Variants in PHC3 observed in about 807,000 individuals in gnomAD.
The protein encoded by PHC3 is polyhomeotic homolog 3.
PHC3 carries 13 observed loss-of-function variants against 107.4 expected under a neutral mutation model. The ratio of observed to expected loss-of-function variants is 0.12; its 90% CI spans 0.08 to 0.19. The LOEUF is 0.19. PHC3 is among the 10% of genes least tolerant of loss of function. PHC3 has a pLI of 1.00. For missense variants in PHC3, 992 were observed against 1,210.9 expected (o/e 0.82, Z 2.68); for synonymous variants, 456 against 427.4 (o/e 1.07, Z -0.83).
chr3:170,178,711 C>T (rs1730912316), intron 2 of PHC3, 62 bp downstream of exon 2: 1 of 1,551,540 alleles, frequency 6.4e-7, no homozygotes, highest in Admixed American at 1.7e-5. Context: ...ATAAATCCAG[C>T]TTAAGCAAAA....
rs537182657 is a variant in PHC3, at chr3:170,139,488, G to A, written c.673-2823C>T. Among the ~76,000 whole-genome samples, 3 of 152,226 alleles carry A rather than the reference G, an allele frequency of 2.0e-5. No individual in the cohort carries two copies. In the East Asian group the frequency reaches 5.8e-4, roughly 29 times the overall value. On this transcript the variant is annotated intron_variant, in intron 6 of 14. Transcript: ENST00000495893. ...CAAAGGGTAATAATCTGAAAAACCT[G>A]AAATGAAAAGTATATTCACAGTAAA...
intron 6 of PHC3, among the ~76,000 whole-genome samples, chr3:170,140,592 T>C (rs1303397824): frequency 8.1e-6 from 1 of 123,192 alleles, no homozygotes; most frequent in Non-Finnish European, 1.7e-5. Context: ...TTCTTTTTTT[T>C]TTTTTTTTTT....
rs555481304 is a variant in PHC3 at position 170,178,325 on chromosome 3, A to G, written c.180+448T>C. Among the ~76,000 whole-genome samples the G allele has an allele frequency of 2.2e-3, 333 of 151,422 alleles. 2 individuals are homozygous for G. Among genetic ancestry groups the G allele is most frequent in the South Asian group, 8.2e-3 (39 of 4,774 alleles). Reference sequence around the variant, plus strand: ...CGCCCGGCTAATTTTTTGTATTTTTAGTAGAGACGGGGTTTCACCGTGGTC... The same window carrying G: ...CGCCCGGCTAATTTTTTGTATTTTTGGTAGAGACGGGGTTTCACCGTGGTC... On this transcript the variant is annotated intron_variant, in intron 2 of 14. Transcript: ENST00000495893.
At chr3:170,155,807 T>C (rs573580196) in intron 4 of PHC3, among the ~76,000 whole-genome samples, 1 of 152,158 alleles carries the variant, frequency 6.6e-6, no homozygotes, top group East Asian at 1.9e-4. Flanking sequence ...AGACTCAATA[T>C]AGAAACACAC....
intron 7 of PHC3, among the ~76,000 whole-genome samples, chr3:170,132,217 A>G (rs1722366994): frequency 6.6e-6 from 1 of 152,192 alleles, no homozygotes; most frequent in Admixed American, 6.5e-5. Context: ...ACAGTAACAC[A>G]TATTATTTCA....
chr3:170,172,798 T>G, intron 2 of PHC3, 86 bp from the exon 3 acceptor site: 1 of 1,418,548 alleles, frequency 7.0e-7, no homozygotes, highest in Admixed American at 2.2e-5. Flanking sequence ...AAGTGGCAGT[T>G]TAAAATTTCA....
intron 14 of PHC3, among the ~76,000 whole-genome samples, chr3:170,099,162 T>C (rs1256152084): frequency 6.6e-6 from 1 of 151,918 alleles, no homozygotes; most frequent in Non-Finnish European, 1.5e-5. Flanking sequence ...AAACAAGGAG[T>C]TCTCCATGAG....
Position 170,097,221 on chromosome 3 carries a change from ATGTTCC to A in PHC3, c.*3_*8del. 1.3e-6 allele frequency: 2 copies of A among 1,594,008 alleles called. No individual in the cohort carries two copies. Among genetic ancestry groups the A allele is most frequent in the Non-Finnish European group, 1.7e-6 (2 of 1,166,434 alleles). ...AAAACTGCTGTTTTATCAAGGCTTC[ATGTTCC>A]TGTTAAGATTCCTTCAGAGAGTTGA... is the stretch of plus-strand genomic sequence containing the variant. On this transcript the variant is annotated 3_prime_UTR_variant, in exon 15 of 15. Coordinates refer to ENST00000495893, the MANE Select transcript of PHC3 (RefSeq NM_024947.4). This position sits in a 1 kb window ranked among gnomAD's most constrained non-coding sequence, Gnocchi z 4.1.
intron 4 of PHC3, among the ~76,000 whole-genome samples, chr3:170,168,185 T>TCAGAGG (rs1560125675): frequency 6.6e-6 from 1 of 150,826 alleles, no homozygotes; most frequent in African/African-American, 2.4e-5. Flanking sequence ...AAAGGCAAAG[T>TCAGAGG]CAAAGGGAAA....
chr3:170,123,526 G>A (rs1002536141), intron 8 of PHC3, among the ~76,000 whole-genome samples: 4 of 151,950 alleles, frequency 2.6e-5, no homozygotes, highest in African/African-American at 4.8e-5. Context: ...GCAGTGGCTC[G>A]TGCCTGCAAT....
chr3:170,180,173 G>A (rs1342375458), intron 1 of PHC3, among the ~76,000 whole-genome samples: 1 of 151,900 alleles, frequency 6.6e-6, no homozygotes, highest in Non-Finnish European at 1.5e-5. Context: ...AGGAAAAGTG[G>A]GGGCCTTGAG....
At chr3:170,133,117 C>A (rs1261319679) in intron 7 of PHC3, among the ~76,000 whole-genome samples, 3 of 151,604 alleles carry the variant, frequency 2.0e-5, no homozygotes, top group African/African-American at 7.3e-5. Context: ...CTTGAAGGAA[C>A]ATTTTTCTAA....
intron 6 of PHC3, among the ~76,000 whole-genome samples, chr3:170,141,402 A>G (rs992578281): frequency 6.6e-6 from 1 of 152,182 alleles, no homozygotes; most frequent in Non-Finnish European, 1.5e-5. Flanking sequence ...GAGGCTCATA[A>G]TTAGAACACA....
intron 4 of PHC3, among the ~76,000 whole-genome samples, chr3:170,164,272 T>C (rs1158000528): frequency 1.3e-5 from 2 of 152,212 alleles, no homozygotes; most frequent in African/African-American, 4.8e-5. Flanking sequence ...ATGGGACTAC[T>C]GAAGGGAAGT....
chr3:170,173,425 T>C (rs1325346006), intron 2 of PHC3, among the ~76,000 whole-genome samples: 2 of 152,306 alleles, frequency 1.3e-5, no homozygotes, highest in East Asian at 3.9e-4. Flanking sequence ...ATAACCTTTT[T>C]GGATAAAACT....
Position 170,102,614 on chromosome 3 carries a change from G to A in PHC3, c.2698C>T (p.Arg900Trp), listed in dbSNP as rs746499936. 6.2e-6 allele frequency: 10 copies of A among 1,613,762 alleles called. No homozygotes were observed. The highest frequency in any genetic ancestry group is 2.2e-5 in the East Asian group (1 of 44,888). Reference protein sequence around the residue: ...MTTRLRRQSERERERELRDVR... With the variant: ...MTTRLRRQSEWERERELRDVR... ...TCCCGAAGCTCACGTTCTCTTTCCC[G>A]CTCGCTCTGCCTGCGCAGACGAGTT... The change falls in exon 14 of 15, where the codon CGG becomes TGG. Residue 900 changes from arginine (R) to tryptophan (W), a missense_variant. By Grantham distance (101) the Arg-to-Trp change is moderately radical. Around this residue, in one of 6 missense-constraint regions of PHC3, gnomAD observed 228 missense variants for 288.8 expected, o/e 0.79. Coordinates refer to ENST00000495893, the MANE Select transcript of PHC3 (RefSeq NM_024947.4).
At chr3:170,122,503 G>T in intron 9 of PHC3, 88 bp downstream of exon 9, 1 of 1,388,104 alleles carries the variant, frequency 7.2e-7, no homozygotes, top group Non-Finnish European at 1.0e-6. Flanking sequence ...CAAAAAGGGT[G>T]AAAGGAGGAA....
At chr3:170,121,721 G>C (rs762518374) in intron 9 of PHC3, among the ~76,000 whole-genome samples, 35 of 152,148 alleles carry the variant, frequency 2.3e-4, no homozygotes, top group Non-Finnish European at 3.7e-4. Flanking sequence ...ACAAACAATT[G>C]TGAGGAATAT....
At chr3:170,141,248 T>G (rs530965299) in intron 6 of PHC3, among the ~76,000 whole-genome samples, 1 of 152,318 alleles carries the variant, frequency 6.6e-6, no homozygotes, top group South Asian at 2.1e-4. Flanking sequence ...TGCATAAGTG[T>G]GAGCATCACC....
Sources: gnomAD v4.1 joint callset for allele counts (sites outside exome capture counted in the v4.1 genomes callset) on GRCh38, gnomAD v4.1.1 for gene constraint, gnomAD v4.1.1 regional missense constraint, Gnocchi (gnomAD v3.1) non-coding constraint, MANE v1.5 for transcripts, NCBI Gene and HGNC (gene_info 2026-07-23, HGNC 2026-07-21) for gene names.